The following LYN variants were observed in gnomAD, a reference collection of about 807,000 sequenced individuals.
LYN encodes tyrosine-protein kinase Lyn.
In LYN, 12 loss-of-function variants were observed where a neutral mutation model predicts 65.0. The observed-to-expected ratio is 0.18, with a 90% CI of 0.12 to 0.30. LYN has a LOEUF of 0.30. LYN is among the 10% of genes least tolerant of loss of function. The pLI is 1.00. For missense variants in LYN, 380 were observed against 623.2 expected, an observed-to-expected ratio of 0.61 and a Z score of 4.16; for synonymous variants, 222 against 221.2, an observed-to-expected ratio of 1.00 and a Z score of -0.03.
chr8:55,974,162 A>G (rs1410910142), intron 10 of LYN, among the ~76,000 whole-genome samples: 1 of 152,216 alleles, frequency 6.6e-6, no homozygotes, highest in African/African-American at 2.4e-5. Flanking sequence ...GACTTGATCC[A>G]GGGACTTCTG....
intron 6 of LYN, 75 bp from the exon 7 acceptor site, chr8:55,951,891 G>A: frequency 8.8e-7 from 1 of 1,137,202 alleles, no homozygotes; most frequent in South Asian, 1.5e-5. Flanking sequence ...ATCACAAAAT[G>A]TGTACTGCAG....
chr8:55,947,602 T>C lies in LYN; in HGVS notation c.179-16T>C, dbSNP rs1292214125. 4.5e-6 allele frequency: 7 copies of C among 1,563,604 alleles called. No individual in the cohort carries two copies. The highest frequency in any genetic ancestry group is 2.2e-5 in the East Asian group (1 of 44,630). On this transcript the variant is annotated splice_polypyrimidine_tract_variant and intron_variant, in intron 3 of 12. Transcript: ENST00000519728. ...CTGATGGATTCTTACAGGTGTTCTC[T>C]TGTGTTCATCTTTAGATCCAGAGGA...
intron 1 of LYN, among the ~76,000 whole-genome samples, chr8:55,882,463 G>A (rs1320219264): frequency 6.6e-6 from 1 of 152,192 alleles, no homozygotes; most frequent in Non-Finnish European, 1.5e-5. Context: ...TATTATTCAT[G>A]TACAAACCCA....
rs1045436916 is a variant in LYN, at chr8:55,953,608, T to C, written c.638-224T>C. ...GGTTGCAGTGAGCCAAGATCGCCCATTGCACTCCAGCCTGGGCAATAGGAG... is the reference window on the plus strand; with the variant it reads ...GGTTGCAGTGAGCCAAGATCGCCCACTGCACTCCAGCCTGGGCAATAGGAG... On this transcript the variant is annotated intron_variant, in intron 7 of 12. Coordinates refer to ENST00000519728, the MANE Select transcript of LYN (RefSeq NM_002350.4). Among the ~76,000 whole-genome samples the C allele has an allele frequency of 1.2e-4, 18 of 152,020 alleles. No individual in the cohort carries two copies. In the East Asian group the frequency reaches 3.1e-3, roughly 26 times the overall value.
chr8:55,965,989 G>A (rs1807444477), intron 8 of LYN, among the ~76,000 whole-genome samples: 2 of 152,070 alleles, frequency 1.3e-5, no homozygotes, highest in South Asian at 4.1e-4. Context: ...GCCAGGTGTG[G>A]TGGTGGGCAC....
rs1200008504 is a variant in LYN at position 55,951,962 on chromosome 8, A to G, written c.488-4A>G. The G allele has an allele frequency of 6.2e-7, 1 of 1,609,496 alleles. No individual in the cohort carries two copies. Among genetic ancestry groups the G allele is most frequent in the African/African-American group, 1.3e-5 (1 of 74,664 alleles). ...AACATTTACTTACACTTTTCCCCCCATAGGAAGCTTCTCTCTGTCTGTCAG... is the reference window on the plus strand; with the variant it reads ...AACATTTACTTACACTTTTCCCCCCGTAGGAAGCTTCTCTCTGTCTGTCAG... On this transcript the variant is annotated splice_region_variant and splice_polypyrimidine_tract_variant and intron_variant, in intron 6 of 12. Transcript: ENST00000519728.
At chr8:55,893,502 G>A (rs1353412876) in intron 1 of LYN, 1 of 152,218 alleles carries the variant, frequency 6.6e-6, no homozygotes, top group Non-Finnish European at 1.5e-5. Context: ...CTTTGTTACT[G>A]ACTGTTATTT....
intron 1 of LYN, among the ~76,000 whole-genome samples, chr8:55,884,860 C>T (rs1804748070): frequency 6.6e-6 from 1 of 152,210 alleles, no homozygotes; most frequent in Non-Finnish European, 1.5e-5. Flanking sequence ...TGTTTATCCC[C>T]TTCATCCTGT....
intron 1 of LYN, among the ~76,000 whole-genome samples, chr8:55,914,725 A>G (rs1255430748): frequency 6.6e-6 from 1 of 152,226 alleles, no homozygotes; most frequent in East Asian, 1.9e-4. Flanking sequence ...ATGAGAAAAC[A>G]GTTTCACTAC....
At chr8:55,887,778 T>C (rs1205896958) in intron 1 of LYN, among the ~76,000 whole-genome samples, 3 of 151,712 alleles carry the variant, frequency 2.0e-5, no homozygotes, top group Admixed American at 2.0e-4. Context: ...CCCAGCTACT[T>C]TTTGTATTTT....
chr8:55,925,966 T>G, intron 1 of LYN, among the ~76,000 whole-genome samples: 1 of 152,366 alleles, frequency 6.6e-6, no homozygotes, highest in South Asian at 2.1e-4. Context: ...AACATTTTTA[T>G]TATGTAATCA....
At chr8:55,973,042 A>T (rs7838485) in intron 10 of LYN, among the ~76,000 whole-genome samples, 2 of 152,030 alleles carry the variant, frequency 1.3e-5, no homozygotes, top group Non-Finnish European at 1.5e-5. Context: ...GAAATAACCC[A>T]GTTTACTTAA....
At chr8:55,995,784 G>A (rs1035005996) in intron 10 of LYN, among the ~76,000 whole-genome samples, 8 of 152,180 alleles carry the variant, frequency 5.3e-5, no homozygotes, top group Admixed American at 2.0e-4. Flanking sequence ...AGCCGGGGCC[G>A]GGTCATACGG....
At chr8:55,966,657 C>T (rs1305519478) in intron 8 of LYN, 58 bp from the exon 9 acceptor site, 1 of 1,514,220 alleles carries the variant, frequency 6.6e-7, no homozygotes, top group Admixed American at 1.8e-5. Flanking sequence ...TGTGAGCCAC[C>T]TCCCCCGGCT....
At chr8:55,954,067 C>A in intron 8 of LYN, 83 bp downstream of exon 8, 1 of 1,416,176 alleles carries the variant, frequency 7.1e-7, no homozygotes, top group Non-Finnish European at 9.8e-7. Context: ...CGATCAGCTT[C>A]TGAGCCAGAC....
chr8:55,907,979 A>T (rs775601129), intron 1 of LYN, among the ~76,000 whole-genome samples: 4 of 152,156 alleles, frequency 2.6e-5, no homozygotes, highest in Non-Finnish European at 5.9e-5. Flanking sequence ...ACCTTAGCAG[A>T]TTGTAAGGGT....
chr8:55,892,032 T>A (rs2130364228), intron 1 of LYN, among the ~76,000 whole-genome samples: 1 of 152,346 alleles, frequency 6.6e-6, no homozygotes, highest in East Asian at 1.9e-4. Flanking sequence ...CTTCTAACCA[T>A]CAAAGCTGCC....
intron 2 of LYN, among the ~76,000 whole-genome samples, chr8:55,945,763 G>T (rs1010413890): frequency 6.6e-6 from 1 of 152,208 alleles, no homozygotes; most frequent in Non-Finnish European, 1.5e-5. Context: ...GATGCCATCT[G>T]TCCCTGTGAT....
At chr8:55,983,979 A>C (rs1488024734) in intron 10 of LYN, among the ~76,000 whole-genome samples, 2 of 152,142 alleles carry the variant, frequency 1.3e-5, no homozygotes, top group Non-Finnish European at 2.9e-5. Flanking sequence ...GTTCTTGGGA[A>C]GAATCCTTCC....
Sources: allele counts gnomAD v4.1 joint callset (sites outside exome capture counted in the v4.1 genomes callset), GRCh38; gene constraint gnomAD v4.1.1; transcripts MANE v1.5; gene names NCBI Gene and HGNC (gene_info 2026-07-23, HGNC 2026-07-21).